Variants in TM2D1 observed in about 807,000 individuals in gnomAD.
The protein encoded by TM2D1 is TM2 domain-containing protein 1.
A neutral mutation model predicts 28.4 loss-of-function variants in TM2D1; 15 were observed. The ratio of observed to expected loss-of-function variants is 0.53; its 90% CI spans 0.35 to 0.81. The LOEUF (loss-of-function observed/expected upper bound fraction) is 0.81, where lower values mean the gene tolerates loss of function less well. Among genes scored for constraint, TM2D1 ranks in the 40% least tolerant of loss-of-function variants. The pLI is 0.01. For synonymous variants in TM2D1, 93 were observed against 96.2 expected (o/e 0.97, Z 0.20); for missense variants, 236 against 254.9 (o/e 0.93, Z 0.50).
At chr1:61,698,991 C>T (rs1644383142) in intron 4 of TM2D1, 2 of 152,114 alleles carry the variant, frequency 1.3e-5, no homozygotes, top group South Asian at 2.1e-4. Flanking sequence ...AATAAAAATG[C>T]CTAAATTCCT....
chr1:61,717,317 G>A (rs1001622059), intron 2 of TM2D1, among the ~76,000 whole-genome samples: 6 of 151,530 alleles, frequency 4.0e-5, no homozygotes, highest in South Asian at 4.2e-4. Context: ...GCAGTGAGCC[G>A]AGATAGTGCC....
chr1:61,709,485 A>G, intron 2 of TM2D1, 48 bp from the exon 3 acceptor site: 1 of 1,321,430 alleles, frequency 7.6e-7, no homozygotes, highest in East Asian at 2.3e-5. Flanking sequence ...TTTCTGGAGA[A>G]ACAGTATGTA....
intron 2 of TM2D1, among the ~76,000 whole-genome samples, chr1:61,721,951 TA>T (rs768461684): frequency 0.23 from 9,942 of 43,718 alleles, 384 homozygotes; most frequent in Non-Finnish European, 0.26. Flanking sequence ...TCTCTACAGC[TA>T]AAAAAAAAAA....
chr1:61,704,753 AAG>A (rs1470459675), intron 3 of TM2D1, among the ~76,000 whole-genome samples: 1 of 152,084 alleles, frequency 6.6e-6, no homozygotes, highest in East Asian at 1.9e-4. Context: ...TAAGAAAGCC[AAG>A]AAAGTATTTT....
intron 4 of TM2D1, 32 bp downstream of exon 4, chr1:61,700,902 A>C (rs371739529): frequency 1.3e-6 from 2 of 1,523,706 alleles, no homozygotes; most frequent in Non-Finnish European, 1.8e-6. Flanking sequence ...TATAGGTTTC[A>C]TAAGGATTTT....
At chr1:61,691,030 CAAAG>C (rs1310167642) in intron 5 of TM2D1, among the ~76,000 whole-genome samples, 1 of 152,154 alleles carries the variant, frequency 6.6e-6, no homozygotes, top group Non-Finnish European at 1.5e-5. Context: ...AAAATTGTGA[CAAAG>C]AAAGAACCCA....
chr1:61,715,661 AAAAAAAAAAAAAAAC>A, intron 2 of TM2D1, among the ~76,000 whole-genome samples: 1 of 149,564 alleles, frequency 6.7e-6, no homozygotes, highest in Non-Finnish European at 1.5e-5. Flanking sequence ...AAAAAAAAAA[AAAAAAAAAAAAAAAC>A]AAGAAAGAAG....
Position 61,691,473 on chromosome 1 carries a change from C to T in TM2D1, c.513+3224G>A, listed in dbSNP as rs1035634792. Among the ~76,000 whole-genome samples the T allele has an allele frequency of 2.6e-5, 3 of 115,742 alleles. 1 individual carries two copies. The highest frequency in any genetic ancestry group is 1.2e-4 in the Admixed American group (1 of 8,160). 75.9% of individuals were successfully genotyped at this position (115,742 alleles called of 152,430 possible). A position where few individuals can be genotyped will look rare whatever the true frequency, so the allele number is the denominator to read the frequency against. On this transcript the variant is annotated intron_variant, in intron 5 of 6. Coordinates refer to ENST00000606498, the MANE Select transcript of TM2D1 (RefSeq NM_032027.3). ...TCACACCATTGCACTCCAGCCTGGA[C>T]GACAAGAGCAAAACTCCATCTCAAA...
intron 5 of TM2D1, among the ~76,000 whole-genome samples, chr1:61,691,950 T>G (rs1334549988): frequency 7.5e-6 from 1 of 133,424 alleles, no homozygotes. Flanking sequence ...TATATATATA[T>G]ATATATATAT....
At chr1:61,709,289 G>A (rs552024316) in intron 3 of TM2D1, 40 bp downstream of exon 3, 58 of 1,226,986 alleles carry the variant, frequency 4.7e-5, no homozygotes, top group Non-Finnish European at 6.7e-5. Context: ...TATAATATAG[G>A]CAAGTAATCT....
At chr1:61,719,238 C>T (rs756206978) in intron 2 of TM2D1, among the ~76,000 whole-genome samples, 4 of 151,670 alleles carry the variant, frequency 2.6e-5, no homozygotes, top group African/African-American at 7.3e-5. Context: ...TTTGTAGAGA[C>T]GGGGTTTCAC....
chr1:61,721,962 A>AT (rs1360004581), intron 2 of TM2D1, among the ~76,000 whole-genome samples: 2 of 145,904 alleles, frequency 1.4e-5, no homozygotes, highest in Non-Finnish European at 3.0e-5. Flanking sequence ...AAAAAAAAAA[A>AT]AAAAAAAAAA....
At chr1:61,685,375 G>T (rs1030137021) in intron 5 of TM2D1, among the ~76,000 whole-genome samples, 4 of 152,174 alleles carry the variant, frequency 2.6e-5, no homozygotes, top group Admixed American at 2.0e-4. Context: ...TTAAACTTAT[G>T]ATAGAAAACT....
At chr1:61,705,283 T>A (rs565667867) in intron 3 of TM2D1, among the ~76,000 whole-genome samples, 1 of 152,114 alleles carries the variant, frequency 6.6e-6, no homozygotes, top group South Asian at 2.1e-4. Flanking sequence ...ACCTTCCAGG[T>A]TCAAGCGATT....
chr1:61,683,095 AAAT>A (rs1387096838), intron 6 of TM2D1, among the ~76,000 whole-genome samples: 1 of 152,130 alleles, frequency 6.6e-6, no homozygotes, highest in African/African-American at 2.4e-5. Flanking sequence ...TGGGCAGCAG[AAAT>A]ATCTGCTATA....
chr1:61,691,936 T>TATATATATAC (rs1644329996), intron 5 of TM2D1, among the ~76,000 whole-genome samples: 2 of 78,792 alleles, frequency 2.5e-5, no homozygotes, highest in East Asian at 4.3e-4. Flanking sequence ...AAAAAAAATA[T>TATATATATAC]ATATATATAT....
At chr1:61,712,365 A>G (rs959090633) in intron 2 of TM2D1, among the ~76,000 whole-genome samples, 1 of 152,102 alleles carries the variant, frequency 6.6e-6, no homozygotes, top group East Asian at 1.9e-4. Flanking sequence ...GACATCTAAA[A>G]TTTTTCAACA....
chr1:61,707,030 TGATC>T (rs1266506664), intron 3 of TM2D1, among the ~76,000 whole-genome samples: 1 of 152,034 alleles, frequency 6.6e-6, no homozygotes, highest in Non-Finnish European at 1.5e-5. Flanking sequence ...CGAGGCGGGC[TGATC>T]GCTTGAGCCC....
At chr1:61,683,305 A>G in intron 6 of TM2D1, 112 bp downstream of exon 6, 1 of 375,368 alleles carries the variant, frequency 2.7e-6, no homozygotes, top group South Asian at 1.0e-4. Context: ...GCATAGGGGT[A>G]CCTGAGAGGT....
Sources: allele counts gnomAD v4.1 joint callset (sites outside exome capture counted in the v4.1 genomes callset), GRCh38; gene constraint gnomAD v4.1.1; transcripts MANE v1.5; gene names NCBI Gene and HGNC (gene_info 2026-07-23, HGNC 2026-07-21).